FRMD4A: variants seen among roughly 807,000 people sequenced by gnomAD.
FRMD4A encodes FERM domain-containing protein 4A.
A neutral mutation model predicts 129.1 loss-of-function variants in FRMD4A; 29 were observed. The observed-to-expected ratio is 0.22, with a 90% CI of 0.17 to 0.31. FRMD4A has a LOEUF of 0.31. FRMD4A is among the 10% of genes least tolerant of loss of function. The pLI, the probability that FRMD4A is intolerant of heterozygous loss-of-function variation, is 1.00. For synonymous variants in FRMD4A, 634 were observed against 571.6 expected (o/e 1.11, Z -1.56); for missense variants, 1,272 against 1,375.8 (o/e 0.92, Z 1.19).
intron 2 of FRMD4A, among the ~76,000 whole-genome samples, chr10:14,111,867 G>A (rs575942033): frequency 1.6e-4 from 24 of 151,040 alleles, no homozygotes; most frequent in African/African-American, 4.9e-4. Flanking sequence ...GGCAGGTGGA[G>A]GAGGGAGTAG....
chr10:13,870,220 G>T (rs1028744656), intron 2 of FRMD4A, among the ~76,000 whole-genome samples: 14 of 152,244 alleles, frequency 9.2e-5, no homozygotes, highest in Non-Finnish European at 1.8e-4. Flanking sequence ...CCTGCTGTGG[G>T]TGCAGAGTGA....
chr10:13,891,477 A>T, intron 2 of FRMD4A: 1 of 445,950 alleles, frequency 2.2e-6, no homozygotes, highest in Non-Finnish European at 3.0e-6. Context: ...TAAAAACTGT[A>T]ACATACGCGA....
chr10:14,045,428 C>T (rs1366501663), intron 2 of FRMD4A, among the ~76,000 whole-genome samples: 1 of 152,048 alleles, frequency 6.6e-6, no homozygotes, highest in Non-Finnish European at 1.5e-5. Flanking sequence ...TCTTAATGTC[C>T]ACTGCTGACA....
At chr10:13,650,342 C>A (rs923361408) in intron 24 of FRMD4A, among the ~76,000 whole-genome samples, 1 of 152,148 alleles carries the variant, frequency 6.6e-6, no homozygotes, top group East Asian at 1.9e-4. Flanking sequence ...TCCTGTCTTA[C>A]CTGGTCTGGG....
chr10:14,053,230 T>C (rs1834348198), intron 2 of FRMD4A, among the ~76,000 whole-genome samples: 1 of 152,228 alleles, frequency 6.6e-6, no homozygotes, highest in South Asian at 2.1e-4. Flanking sequence ...CTGTTGTTTC[T>C]ACAGAATGGT....
At chr10:13,995,912 C>T (rs917114486) in intron 2 of FRMD4A, among the ~76,000 whole-genome samples, 1 of 151,976 alleles carries the variant, frequency 6.6e-6, no homozygotes, top group Non-Finnish European at 1.5e-5. Context: ...GAAGCGCCCT[C>T]TCCTCGTCCT....
chr10:14,115,400 T>C lies in FRMD4A; in HGVS notation c.45+214658A>G, dbSNP rs117211913. ...TATATACGAAAAATAATAATTACTT[T>C]TCCCTAGTTAGCTATACTATGACTA... is the stretch of plus-strand genomic sequence containing the variant. On this transcript the variant is annotated intron_variant, in intron 2 of 24. Transcript: ENST00000357447. 7.9e-4 allele frequency among the ~76,000 whole-genome samples: 120 copies of C among 152,338 alleles called. No individual in the cohort carries two copies. In the East Asian group the frequency reaches 0.016, roughly 20 times the overall value.
At chr10:13,854,364 C>T (rs1008502660) in intron 3 of FRMD4A, among the ~76,000 whole-genome samples, 23 of 152,136 alleles carry the variant, frequency 1.5e-4, no homozygotes, top group Non-Finnish European at 3.1e-4. Context: ...ATAGCGTCCT[C>T]CAGAAGGTTC....
chr10:13,836,858 C>T (rs901877712), intron 3 of FRMD4A, among the ~76,000 whole-genome samples: 21 of 149,276 alleles, frequency 1.4e-4, no homozygotes, highest in Non-Finnish European at 2.7e-4. Context: ...CCTGGGTTCA[C>T]GCCATTCTCC....
intron 19 of FRMD4A, among the ~76,000 whole-genome samples, chr10:13,663,120 G>A: frequency 6.6e-6 from 1 of 151,546 alleles, no homozygotes; most frequent in East Asian, 1.9e-4. Context: ...AGCCTAGGAG[G>A]CAGAGGTTGT....
chr10:13,648,735 G>GTTTTTCATA, intron 24 of FRMD4A: 1 of 152,198 alleles, frequency 6.6e-6, no homozygotes, highest in Admixed American at 6.5e-5. Context: ...GTTGAACTGA[G>GTTTTTCATA]TTTTTCATAT....
At chr10:14,305,400 G>A (rs1846315919) in intron 2 of FRMD4A, among the ~76,000 whole-genome samples, 1 of 152,128 alleles carries the variant, frequency 6.6e-6, no homozygotes, top group South Asian at 2.1e-4. Flanking sequence ...TAAGAAATAT[G>A]GTTTGTACTC....
intron 2 of FRMD4A, among the ~76,000 whole-genome samples, chr10:13,877,154 T>C (rs1334863195): frequency 1.3e-5 from 2 of 152,170 alleles, no homozygotes; most frequent in Non-Finnish European, 2.9e-5. Context: ...CAGAAAATAG[T>C]ATTCTAGACC....
Position 14,033,313 on chromosome 10 carries a change from A to G in FRMD4A, c.46-174401T>C, listed in dbSNP as rs868637435. Among the ~76,000 whole-genome samples the G allele has an allele frequency of 1.4e-3, 209 of 152,240 alleles. 1 individual carries two copies. Among genetic ancestry groups the G allele is most frequent in the African/African-American group, 4.5e-3 (188 of 41,542 alleles). Reference sequence around the variant, plus strand: ...CAGAGCGAGACTGTGTCTCAAAAAAAAAAAAAAAATTATTTTAGATTCAGG... The same window carrying G: ...CAGAGCGAGACTGTGTCTCAAAAAAGAAAAAAAAATTATTTTAGATTCAGG... On this transcript the variant is annotated intron_variant, in intron 2 of 24. Coordinates refer to ENST00000357447, the MANE Select transcript of FRMD4A (RefSeq NM_018027.5).
intron 2 of FRMD4A, among the ~76,000 whole-genome samples, chr10:13,946,804 C>T (rs982961513): frequency 6.6e-6 from 1 of 152,236 alleles, no homozygotes; most frequent in Admixed American, 6.5e-5. Context: ...GTCTGTCTGT[C>T]TCCATGTGTC....
intron 2 of FRMD4A, among the ~76,000 whole-genome samples, chr10:13,950,950 C>T (rs1588501133): frequency 1.3e-5 from 2 of 152,216 alleles, no homozygotes; most frequent in Admixed American, 1.3e-4. Context: ...TCAAAAAATA[C>T]TGAGATTCGA....
At chr10:14,185,873 G>T (rs557603155) in intron 2 of FRMD4A, among the ~76,000 whole-genome samples, 1 of 152,236 alleles carries the variant, frequency 6.6e-6, no homozygotes, top group Non-Finnish European at 1.5e-5. Context: ...GTTAGAGTGA[G>T]ATAAAGTGGT....
chr10:13,927,997 A>G (rs145070187), intron 2 of FRMD4A, among the ~76,000 whole-genome samples: 2 of 149,606 alleles, frequency 1.3e-5, no homozygotes, highest in African/African-American at 2.5e-5. Context: ...GAGGAAAAGG[A>G]TAGTTATACT....
chr10:13,682,751 A>G (rs1358236842), intron 15 of FRMD4A, among the ~76,000 whole-genome samples: 1 of 151,932 alleles, frequency 6.6e-6, no homozygotes, highest in Non-Finnish European at 1.5e-5. Flanking sequence ...CCTGTGATCC[A>G]CCTGCCTCGG....
Sources: gnomAD v4.1 joint callset for allele counts (sites outside exome capture counted in the v4.1 genomes callset) on GRCh38, gnomAD v4.1.1 for gene constraint, MANE v1.5 for transcripts, NCBI Gene and HGNC (gene_info 2026-07-23, HGNC 2026-07-21) for gene names.